Variants in KCNN2 observed in about 807,000 individuals in gnomAD.
The protein encoded by KCNN2 is potassium calcium-activated channel subfamily N member 2.
A neutral mutation model predicts 55.5 loss-of-function variants in KCNN2; 24 were observed. The observed-to-expected ratio is 0.43, with a 90% CI of 0.31 to 0.61. The LOEUF is 0.61. KCNN2 is among the 20% of genes least tolerant of loss of function. KCNN2 has a pLI of 0.08. For missense variants in KCNN2, 754 were observed against 853.6 expected, an observed-to-expected ratio of 0.88 and a Z score of 1.45; for synonymous variants, 431 against 336.1, an observed-to-expected ratio of 1.28 and a Z score of -3.09.
At chr5:114,126,060 A>G (rs968707382) in intron 1 of KCNN2, among the ~76,000 whole-genome samples, 7 of 152,032 alleles carry the variant, frequency 4.6e-5, no homozygotes, top group African/African-American at 7.3e-5. Flanking sequence ...CATAACACCA[A>G]TCTTCCATCT....
Position 114,187,171 on chromosome 5 carries a change from C to T in KCNN2, c.-270-34309C>T, listed in dbSNP as rs556469827. Among the ~76,000 whole-genome samples the T allele has an allele frequency of 2.0e-5, 3 of 152,162 alleles. No individual in the cohort carries two copies. In the Middle Eastern group the frequency reaches 0.01, roughly 518 times the overall value. On this transcript the variant is annotated intron_variant, in intron 1 of 10. Coordinates refer to the KCNN2 transcript ENST00000512097. ...CTGGTTAAGTATTCTAGGTGAGAGA[C>T]AGATTTGTTATTTGTTACCTTATAT...
At chr5:114,221,732 T>A in intron 2 of KCNN2, among the ~76,000 whole-genome samples, 1 of 152,194 alleles carries the variant, frequency 6.6e-6, no homozygotes, top group Non-Finnish European at 1.5e-5. Context: ...ATTACCTGCC[T>A]ATTTCTCTCA....
intron 2 of KCNN2, among the ~76,000 whole-genome samples, chr5:114,302,017 C>T (rs929400897): frequency 6.6e-6 from 1 of 152,134 alleles, no homozygotes; most frequent in Non-Finnish European, 1.5e-5. Context: ...AACTACTGTC[C>T]GTATCTGTCA....
intron 4 of KCNN2, among the ~76,000 whole-genome samples, chr5:114,464,136 C>T (rs1580875709): frequency 6.6e-6 from 1 of 152,162 alleles, no homozygotes; most frequent in East Asian, 1.9e-4. Flanking sequence ...CCACACATGA[C>T]TAGCCAGGAC....
chr5:114,242,514 C>A (rs1351978097), intron 2 of KCNN2, among the ~76,000 whole-genome samples: 2 of 152,092 alleles, frequency 1.3e-5, no homozygotes, highest in Non-Finnish European at 2.9e-5. Flanking sequence ...TGAGACACAA[C>A]CTGAATGTCT....
intron 2 of KCNN2, among the ~76,000 whole-genome samples, chr5:114,349,570 T>G (rs190038489): frequency 6.6e-6 from 1 of 151,998 alleles, no homozygotes; most frequent in South Asian, 2.1e-4. Context: ...TTCAAAAAAA[T>G]AAAAAATCAG....
intron 1 of KCNN2, among the ~76,000 whole-genome samples, chr5:114,142,397 C>T (rs1257351465): frequency 6.6e-6 from 1 of 152,064 alleles, no homozygotes; most frequent in African/African-American, 2.4e-5. Context: ...GAATCCTTTC[C>T]CCATTTCTTG....
chr5:114,422,291 A>T (rs1039454699), intron 3 of KCNN2, among the ~76,000 whole-genome samples: 2 of 152,080 alleles, frequency 1.3e-5, no homozygotes, highest in Admixed American at 6.5e-5. Context: ...TTCATAGATG[A>T]TTGGGTCATG....
At chr5:114,187,751 C>T (rs916984480) in intron 1 of KCNN2, among the ~76,000 whole-genome samples, 9 of 151,790 alleles carry the variant, frequency 5.9e-5, no homozygotes, top group African/African-American at 1.9e-4. Flanking sequence ...CGAGATCCAC[C>T]CGCCTCGGCC....
At chr5:114,099,318 T>G (rs1270515423) in intron 1 of KCNN2, among the ~76,000 whole-genome samples, 2 of 152,132 alleles carry the variant, frequency 1.3e-5, no homozygotes, top group Non-Finnish European at 2.9e-5. Context: ...AATCACCAAT[T>G]GCTAGAACTG....
intron 2 of KCNN2, among the ~76,000 whole-genome samples, chr5:114,380,403 G>A (rs1758082131): frequency 6.6e-6 from 1 of 152,190 alleles, no homozygotes; most frequent in Admixed American, 6.5e-5. Flanking sequence ...GTGACAGTCT[G>A]TAATGTAGAT....
intron 1 of KCNN2, among the ~76,000 whole-genome samples, chr5:114,163,880 C>T (rs1365239044): frequency 2.0e-5 from 3 of 152,098 alleles, no homozygotes; most frequent in African/African-American, 7.2e-5. Context: ...GGTTAGAAGA[C>T]ATTCTGCTGC....
intron 1 of KCNN2, among the ~76,000 whole-genome samples, chr5:114,109,060 G>A (rs1029540722): frequency 6.6e-6 from 1 of 151,844 alleles, no homozygotes; most frequent in Non-Finnish European, 1.5e-5. Flanking sequence ...GCAGAGATTA[G>A]CTCAGGATCT....
At chr5:114,134,630 G>A (rs1752137642) in intron 1 of KCNN2, among the ~76,000 whole-genome samples, 1 of 151,578 alleles carries the variant, frequency 6.6e-6, no homozygotes, top group Admixed American at 6.6e-5. Context: ...CGCCTGCCAC[G>A]GCTCCCGGCA....
At chr5:114,245,178 C>G (rs147951403) in intron 2 of KCNN2, among the ~76,000 whole-genome samples, 1,592 of 152,218 alleles carry the variant, frequency 0.01, 31 homozygotes, top group African/African-American at 0.037. Flanking sequence ...AAACAAATAT[C>G]CCATAGTAAA....
At chr5:114,151,106 A>AT (rs5870582) in intron 1 of KCNN2, among the ~76,000 whole-genome samples, 124,990 of 150,496 alleles carry the variant, frequency 0.83, 52,405 homozygotes, top group East Asian at 0.94. Flanking sequence ...TTGTTTTTGA[A>AT]TTTTTTTTTT....
chr5:114,164,144 G>T (rs1238666284), intron 1 of KCNN2, among the ~76,000 whole-genome samples: 1 of 152,050 alleles, frequency 6.6e-6, no homozygotes, highest in Non-Finnish European at 1.5e-5. Context: ...ATTACTCTCT[G>T]GTGAAATGTA....
At chr5:114,097,463 C>A (rs78806389) in intron 1 of KCNN2, among the ~76,000 whole-genome samples, 1,586 of 152,242 alleles carry the variant, frequency 0.01, 36 homozygotes, top group African/African-American at 0.036. Flanking sequence ...ATTCCTACCT[C>A]ATGGATTATG....
Position 114,496,097 on chromosome 5 carries a change from C to G in KCNN2, c.2291C>G (p.Thr764Ser), listed in dbSNP as rs754515430. The change falls in exon 8 of 8, where the codon ACT becomes AGT. Residue 764 changes from threonine (T) to serine (S), a missense_variant. Thr to Ser is a moderately conservative substitution (Grantham distance 58). Around this residue, in one of 4 missense-constraint regions of KCNN2, gnomAD observed 164 missense variants for 156.6 expected, o/e 1.05. Coordinates refer to ENST00000673685, the MANE Select transcript of KCNN2 (RefSeq NM_021614.4). ...AQMESYDKHVTYNAERSRSSS... is the reference protein window; with the variant it reads ...AQMESYDKHVSYNAERSRSSS... ...ATGGAGAGCTACGACAAGCACGTCA[C>G]TTACAATGCTGAGCGGTCCCGGTCC... 2.5e-6 allele frequency: 4 copies of G among 1,613,970 alleles called. No individual in the cohort carries two copies. The highest frequency in any genetic ancestry group is 3.4e-6 in the Non-Finnish European group (4 of 1,179,992).
Sources: allele counts gnomAD v4.1 joint callset (sites outside exome capture counted in the v4.1 genomes callset), GRCh38; gene constraint gnomAD v4.1.1; regional missense constraint gnomAD v4.1.1; transcripts MANE v1.5; gene names NCBI Gene and HGNC (gene_info 2026-07-23, HGNC 2026-07-21).